Variants in LOC400499 observed in about 807,000 individuals in gnomAD.
chr16:11,377,445 C>T, the LOC400499 span, among the ~76,000 whole-genome samples: 1 of 152,158 alleles, frequency 6.6e-6, no homozygotes, highest in Non-Finnish European at 1.5e-5. Context: ...GTGATGTTAG[C>T]TGAGGGTGGT....
At chr16:11,383,155 TC>T in the LOC400499 span, among the ~76,000 whole-genome samples, 1 of 151,602 alleles carries the variant, frequency 6.6e-6, no homozygotes, top group Non-Finnish European at 1.5e-5. Context: ...AAGCTCTGCC[TC>T]CTGGGTTCAC....
At chr16:11,389,242 C>A in the LOC400499 span, among the ~76,000 whole-genome samples, 1 of 152,132 alleles carries the variant, frequency 6.6e-6, no homozygotes, top group Non-Finnish European at 1.5e-5. Context: ...ATAGGATCCA[C>A]CCCCCCATCT....
the LOC400499 span, among the ~76,000 whole-genome samples, chr16:11,396,246 CCT>C: frequency 6.6e-6 from 1 of 152,222 alleles, no homozygotes. Context: ...CCAGCCACTG[CCT>C]CTCTGTTATA....
At chr16:11,476,494 C>T in the LOC400499 span, among the ~76,000 whole-genome samples, 1 of 152,086 alleles carries the variant, frequency 6.6e-6, no homozygotes, top group Admixed American at 6.6e-5. Context: ...ACACTCACTC[C>T]TCACTGCCAC....
chr16:11,511,162 AATTTT>A, the LOC400499 span, among the ~76,000 whole-genome samples: 1 of 146,150 alleles, frequency 6.8e-6, no homozygotes, highest in African/African-American at 2.6e-5. Flanking sequence ...ATGCCTGGCT[AATTTT>A]TTGTATTTTT....
the LOC400499 span, among the ~76,000 whole-genome samples, chr16:11,427,752 T>G: frequency 6.6e-6 from 1 of 152,168 alleles, no homozygotes; most frequent in Non-Finnish European, 1.5e-5. Context: ...AGCTGAGATG[T>G]GCACATTTCT....
chr16:11,449,344 C>A, the LOC400499 span, among the ~76,000 whole-genome samples: 2 of 152,188 alleles, frequency 1.3e-5, no homozygotes, highest in East Asian at 1.9e-4. Flanking sequence ...AAATAATTTC[C>A]TTTTCTCCTC....
At chr16:11,446,599 A>C in the LOC400499 span, 3 of 1,536,080 alleles carry the variant, frequency 2.0e-6, no homozygotes, top group Non-Finnish European at 2.6e-6. Flanking sequence ...CCTGGGGATG[A>C]CTTTGCCATC....
chr16:11,520,742 G>C, the LOC400499 span, among the ~76,000 whole-genome samples: 1 of 151,916 alleles, frequency 6.6e-6, no homozygotes, highest in Non-Finnish European at 1.5e-5. Flanking sequence ...GAGGCTCTGG[G>C]GGTTATATTT....
At chr16:11,386,453 A>C in the LOC400499 span, among the ~76,000 whole-genome samples, 1 of 152,260 alleles carries the variant, frequency 6.6e-6, no homozygotes, top group Non-Finnish European at 1.5e-5. Context: ...TGTGCTGCTT[A>C]GACATGACTG....
At chr16:11,389,179 C>G in the LOC400499 span, among the ~76,000 whole-genome samples, 1 of 152,210 alleles carries the variant, frequency 6.6e-6, no homozygotes, top group Non-Finnish European at 1.5e-5. Flanking sequence ...GGCCCCGTGG[C>G]TCTTGCTGAA....
the LOC400499 span, among the ~76,000 whole-genome samples, chr16:11,522,427 T>A: frequency 6.6e-6 from 1 of 152,204 alleles, no homozygotes; most frequent in South Asian, 2.1e-4. Flanking sequence ...GTGAGGGCTG[T>A]CCTCTGTGTT....
chr16:11,475,422 G>A, the LOC400499 span, among the ~76,000 whole-genome samples: 1 of 152,210 alleles, frequency 6.6e-6, no homozygotes, highest in Non-Finnish European at 1.5e-5. Flanking sequence ...GTGGATTTGT[G>A]TTCCTTTATT....
chr16:11,461,007 G>A, the LOC400499 span: 6 of 1,536,066 alleles, frequency 3.9e-6, no homozygotes, highest in African/African-American at 1.4e-5. Context: ...TCCAGAGCTG[G>A]CCCCGTTGCT....
the LOC400499 span, among the ~76,000 whole-genome samples, chr16:11,428,493 C>G: frequency 2.6e-5 from 4 of 152,042 alleles, no homozygotes; most frequent in African/African-American, 9.7e-5. Context: ...CCTTTTTAGA[C>G]CATATGACGT....
At chr16:11,485,133 C>T in the LOC400499 span, 85 of 398,656 alleles carry the variant, frequency 2.1e-4, 1 homozygote, top group Non-Finnish European at 3.5e-4. Context: ...TGATGATGAG[C>T]TGTTAGGCTG....
chr16:11,474,685 C>A, the LOC400499 span, among the ~76,000 whole-genome samples: 1 of 147,394 alleles, frequency 6.8e-6, no homozygotes, highest in Admixed American at 6.9e-5. Flanking sequence ...CATGGTGGAA[C>A]CCTGTCTCTA....
the LOC400499 span, chr16:11,488,700 T>C: frequency 2.5e-6 from 1 of 398,898 alleles, no homozygotes. Context: ...CTGCCCAGGA[T>C]GGCCATACCT....
chr16:11,430,208 C>T, the LOC400499 span, among the ~76,000 whole-genome samples: 19 of 152,166 alleles, frequency 1.2e-4, no homozygotes, highest in Non-Finnish European at 2.1e-4. Flanking sequence ...AAATATCTGC[C>T]AGGCGCGGTG....
Sources: allele counts gnomAD v4.1 joint callset (sites outside exome capture counted in the v4.1 genomes callset), GRCh38; gene constraint gnomAD v4.1.1; transcripts MANE v1.5.